The following AR variants were observed in gnomAD, a reference collection of about 807,000 sequenced individuals.
The protein encoded by AR is dihydrotestosterone receptor.
AR carries 8 observed loss-of-function variants against 53.9 expected under a neutral mutation model. That is an observed-to-expected ratio of 0.15 (90% CI 0.09 to 0.27). AR has a LOEUF of 0.27. Ranked by LOEUF, AR falls within the 10% of genes least tolerant of loss-of-function variation. The pLI is 1.00. For synonymous variants in AR, 359 were observed against 316.4 expected, an observed-to-expected ratio of 1.13 and a Z score of -1.43; for missense variants, 639 against 742.5, an observed-to-expected ratio of 0.86 and a Z score of 1.62.
chrX:67,566,528 G>A, intron 1 of AR, among the ~76,000 whole-genome samples: 1 of 111,632 alleles, frequency 9.0e-6, no homozygotes, highest in Non-Finnish European at 1.9e-5. Flanking sequence ...CAGCCTCTGT[G>A]TGTGTATTTG....
chrX:67,633,416 C>T (rs971162875), intron 1 of AR, among the ~76,000 whole-genome samples: 1 of 111,839 alleles, frequency 8.9e-6, no homozygotes, highest in Admixed American at 9.5e-5. Flanking sequence ...CTTTAGTTTG[C>T]TTAGGATACT....
intron 1 of AR, among the ~76,000 whole-genome samples, chrX:67,598,569 G>A (rs1002159648): frequency 6.3e-5 from 7 of 111,104 alleles, no homozygotes; most frequent in African/African-American, 2.3e-4. Context: ...GTGAGCCACC[G>A]CACCCCACCT....
At chrX:67,619,180 A>T (rs1327290834) in intron 1 of AR, among the ~76,000 whole-genome samples, 3 of 111,399 alleles carry the variant, frequency 2.7e-5, no homozygotes, top group Non-Finnish European at 5.7e-5. Flanking sequence ...GAAAGCTGCT[A>T]TGGAGAGGAG....
intron 1 of AR, among the ~76,000 whole-genome samples, chrX:67,587,235 T>C (rs771781077): frequency 8.9e-6 from 1 of 112,466 alleles, no homozygotes; most frequent in Non-Finnish European, 1.9e-5. Flanking sequence ...GAAAATCAGC[T>C]GGGGAATGTG....
At chrX:67,655,575 C>G (rs1314416497) in intron 2 of AR, among the ~76,000 whole-genome samples, 1 of 111,219 alleles carries the variant, frequency 9.0e-6, no homozygotes, top group Non-Finnish European at 1.9e-5. Context: ...CTAGTGAGCA[C>G]TACTGAGATA....
At position 67,544,286 on chromosome X, in the gene AR, G is replaced by A. The variant is rs774488006; in HGVS notation, c.-861G>A. 5.7e-6 allele frequency: 1 copy of A among 174,910 alleles called. No homozygotes were observed. Among genetic ancestry groups the A allele is most frequent in the African/African-American group, 2.9e-5 (1 of 34,371 alleles). 14.4% of individuals were successfully genotyped at this position (174,910 alleles called of 1,213,427 possible). A position where few individuals can be genotyped will look rare whatever the true frequency, so the allele number is the denominator to read the frequency against. On this transcript the variant is annotated 5_prime_UTR_variant, in exon 1 of 8. Transcript: ENST00000374690. ...GTTTTTAAAAGCTGCTAAAGACTCG[G>A]AGGAAGCAAGGAAAGTGCCTGGTAG...
chrX:67,687,447 A>G (rs1173051000), intron 3 of AR, among the ~76,000 whole-genome samples: 1 of 112,142 alleles, frequency 8.9e-6, no homozygotes. Flanking sequence ...TCACAGGTAG[A>G]TGTTCTGTGA....
intron 2 of AR, among the ~76,000 whole-genome samples, chrX:67,656,554 T>G (rs1338811280): frequency 1.8e-5 from 2 of 111,638 alleles, no homozygotes; most frequent in Non-Finnish European, 3.8e-5. Context: ...ACCAAACATT[T>G]TCCATGTGTT....
intron 2 of AR, among the ~76,000 whole-genome samples, chrX:67,667,599 A>T (rs1473564015): frequency 4.5e-5 from 5 of 111,618 alleles, no homozygotes; most frequent in Admixed American, 9.6e-5. Context: ...TATGTCAAGA[A>T]TGTCATTGAT....
intron 3 of AR, chrX:67,696,139 C>CTTTTTTTTTTTTTTTTTTTTTTTTTTTT (rs11428245): frequency 2.3e-6 from 1 of 435,762 alleles, no homozygotes. Flanking sequence ...GATCTTTTTT[C>CTTTTTTTTTTTTTTTTTTTTTTTTTTTT]TTTTTTTTTT....
chrX:67,728,039 C>T lies in AR; in HGVS notation c.*4198C>T, dbSNP rs979954356. ...GAGATGAAAGCATCACATTATATAACCAAAGATTACATTGTACCTGCTAAG... is the reference window on the plus strand; with the variant it reads ...GAGATGAAAGCATCACATTATATAATCAAAGATTACATTGTACCTGCTAAG... On this transcript the variant is annotated 3_prime_UTR_variant, in exon 8 of 8. Coordinates refer to ENST00000374690, the MANE Select transcript of AR (RefSeq NM_000044.6). The T allele has an allele frequency of 4.6e-5, 8 of 172,230 alleles. No homozygotes were observed. The highest frequency in any genetic ancestry group is 2.1e-4 in the African/African-American group (7 of 33,549). 14.2% of individuals were successfully genotyped at this position (172,230 alleles called of 1,213,427 possible).
chrX:67,720,711 C>A (rs951700616), intron 5 of AR, among the ~76,000 whole-genome samples: 4 of 111,281 alleles, frequency 3.6e-5, no homozygotes, highest in African/African-American at 1.3e-4. Context: ...GAGCTTCCAC[C>A]CAGACAATAC....
At chrX:67,626,121 TA>T (rs1288094095) in intron 1 of AR, among the ~76,000 whole-genome samples, 5 of 111,298 alleles carry the variant, frequency 4.5e-5, no homozygotes, top group Non-Finnish European at 9.4e-5. Context: ...AGTACATTAT[TA>T]TTGTAGTCAT....
At chrX:67,620,562 A>G (rs1247453854) in intron 1 of AR, among the ~76,000 whole-genome samples, 1 of 111,405 alleles carries the variant, frequency 9.0e-6, no homozygotes. Flanking sequence ...TCTTCATTTT[A>G]TAGATAAGGA....
At chrX:67,681,531 G>T (rs1310319743) in intron 2 of AR, among the ~76,000 whole-genome samples, 1 of 112,126 alleles carries the variant, frequency 8.9e-6, no homozygotes, top group African/African-American at 3.2e-5. Flanking sequence ...CTGTGGCTTG[G>T]GGCATGTAAT....
chrX:67,629,944 G>T (rs1209203583), intron 1 of AR, among the ~76,000 whole-genome samples: 3 of 111,279 alleles, frequency 2.7e-5, no homozygotes, highest in Admixed American at 1.9e-4. Flanking sequence ...GTAGTTGAGC[G>T]GTTTTGAGTG....
intron 1 of AR, among the ~76,000 whole-genome samples, chrX:67,633,741 G>A (rs768610404): frequency 3.6e-5 from 4 of 111,859 alleles, no homozygotes; most frequent in Non-Finnish European, 3.8e-5. Context: ...AATAAGAAAT[G>A]AAGTACTCAT....
chrX:67,729,057 T>C lies in AR; in HGVS notation c.*5216T>C, dbSNP rs1002909295. On this transcript the variant is annotated 3_prime_UTR_variant, in exon 8 of 8. Coordinates refer to ENST00000374690, the MANE Select transcript of AR (RefSeq NM_000044.6). The stretch of plus-strand genomic sequence containing the variant: ...TCCTTGTGAGAGAAGGGCAGTTTCC[T>C]GCATTGGAACCTGGAGCAAGCGCTC... The C allele has an allele frequency of 5.7e-6, 1 of 175,598 alleles. No individual in the cohort carries two copies. Among genetic ancestry groups the C allele is most frequent in the African/African-American group, 2.9e-5 (1 of 34,590 alleles). 14.5% of individuals were successfully genotyped at this position (175,598 alleles called of 1,213,427 possible). A position where few individuals can be genotyped will look rare whatever the true frequency, so the allele number is the denominator to read the frequency against.
chrX:67,646,557 G>C (rs1260146738), intron 2 of AR, among the ~76,000 whole-genome samples: 2 of 109,726 alleles, frequency 1.8e-5, no homozygotes, highest in African/African-American at 6.6e-5. Context: ...TTATGGAGTG[G>C]GTAGGATGAG....
Sources: allele counts gnomAD v4.1 joint callset (sites outside exome capture counted in the v4.1 genomes callset), GRCh38; gene constraint gnomAD v4.1.1; transcripts MANE v1.5; gene names NCBI Gene and HGNC (gene_info 2026-07-23, HGNC 2026-07-21).